Variants in LIG4 observed in about 807,000 individuals in gnomAD.
LIG4 encodes DNA ligase 4, also known as DNA joinase.
LIG4 carries 13 observed loss-of-function variants against 19.0 expected under a neutral mutation model. That is an observed-to-expected ratio of 0.68 (90% CI 0.44 to 1.09). The LOEUF (loss-of-function observed/expected upper bound fraction) is 1.09, where lower values mean the gene tolerates loss of function less well. LIG4 is among the 50% of genes least tolerant of loss of function. LIG4 has a pLI of 0.00. For missense variants in LIG4, 1,026 were observed against 1,089.7 expected (o/e 0.94, Z 0.82); for synonymous variants, 361 against 358.2 (o/e 1.01, Z -0.09).
chr13:108,210,042 A>G lies in LIG4; in HGVS notation c.1227T>C (p.His409=), dbSNP rs756610993. 3 of 1,612,492 alleles carry G rather than the reference A, an allele frequency of 1.9e-6. No homozygotes were observed. The South Asian group carries it at 3.3e-5, about 18-fold the overall frequency. Reference sequence around the variant, plus strand: ...ATGCATCAATTACTTCATTCTTAGTATGAGCTTGTGTTTTCTGCACTATTT... The same window carrying G: ...ATGCATCAATTACTTCATTCTTAGTGTGAGCTTGTGTTTTCTGCACTATTT... ...RIEIVQKTQA[H]TKNEVIDALN... is the part of the protein sequence containing the mutation. The change falls in exon 3 of 3, where the codon CAT becomes CAC. Residue 409 remains histidine, a synonymous_variant. Coordinates refer to ENST00000442234, the MANE Select transcript of LIG4 (RefSeq NM_206937.2).
intron 1 of LIG4, among the ~76,000 whole-genome samples, 156 bp downstream of exon 1, chr13:108,215,328 C>T (rs1237556410): frequency 8.3e-6 from 1 of 120,154 alleles, no homozygotes; most frequent in South Asian, 3.1e-4. Flanking sequence ...ACAGACCTTC[C>T]CCCGGTCTGT....
At chr13:108,217,294 T>C (rs1879352506), upstream of LIG4, among the ~76,000 whole-genome samples, 1 of 152,190 alleles carries the variant, frequency 6.6e-6, no homozygotes, top group South Asian at 2.1e-4. Flanking sequence ...GGTGGGTGGA[T>C]CACCAGAGGT....
In LIG4 at chr13:108,209,110, A is replaced by T; in HGVS notation, c.2159T>A (p.Val720Asp). 6.2e-7 allele frequency: 1 copy of T among 1,614,204 alleles called. No individual in the cohort carries two copies. The highest frequency in any genetic ancestry group is 1.1e-5 in the South Asian group (1 of 91,080). ...KNIILSNKHDVVKPAWLLECF... is the reference protein window; with the variant it reads ...KNIILSNKHDDVKPAWLLECF... ...TTCTAAAAGCCATGCAGGCTTGACA[A>T]CATCATGTTTATTTGACAAAATTAT... Residue 720 changes from valine to aspartate, a missense_variant, in exon 3 of 3, where the codon GTT (valine) becomes GAT (aspartate). Coordinates refer to ENST00000442234, the MANE Select transcript of LIG4 (RefSeq NM_206937.2).
Position 108,209,472 on chromosome 13 carries a change from T to C in LIG4, c.1797A>G (p.Leu599=), listed in dbSNP as rs773567375. The stretch of plus-strand genomic sequence containing the variant: ...CAGATGCCTTCCCCCTAAGTTGTTC[T>C]AGGTCGTCCAGGGTCATGCACTCAT... ...EWHECMTLDD[L]EQLRGKASGK... The change falls in exon 3 of 3, where the codon CTA becomes CTG. Residue 599 remains leucine, a synonymous_variant. Coordinates refer to ENST00000442234, the MANE Select transcript of LIG4 (RefSeq NM_206937.2). 18 of 1,614,070 alleles carry C rather than the reference T, an allele frequency of 1.1e-5. No homozygotes were observed. In the South Asian group the frequency reaches 1.5e-4, roughly 14 times the overall value.
upstream of LIG4, among the ~76,000 whole-genome samples, chr13:108,217,944 G>A (rs1228957655): frequency 6.6e-6 from 1 of 152,034 alleles, no homozygotes; most frequent in Non-Finnish European, 1.5e-5. Flanking sequence ...GTGTACCTCG[G>A]TAAAATTTGC....
In LIG4 at chr13:108,208,956, C is replaced by G; in HGVS notation, c.2313G>C (p.Leu771Phe). 1.2e-6 allele frequency: 2 copies of G among 1,614,102 alleles called. No individual in the cohort carries two copies. Among genetic ancestry groups the G allele is most frequent in the Non-Finnish European group, 1.7e-6 (2 of 1,180,010 alleles). The part of the protein sequence containing the change: ...YGDSYFIDTD[L>F]NQLKEVFSGI... ...CTGAGAATACTTCCTTCAGTTGGTTCAAGTCTGTATCAATGAAATAACTAT... is the reference window on the plus strand; with the variant it reads ...CTGAGAATACTTCCTTCAGTTGGTTGAAGTCTGTATCAATGAAATAACTAT... The change falls in exon 3 of 3, where the codon TTG (leucine) becomes TTC (phenylalanine). Residue 771 changes from leucine (L) to phenylalanine (F), a missense_variant. This residue lies in a region of LIG4 where 521 missense variants were observed against 515.5 expected (regional missense o/e 1.01). Coordinates refer to ENST00000442234, the MANE Select transcript of LIG4 (RefSeq NM_206937.2).
At position 108,207,676 on chromosome 13, in the gene LIG4, A is replaced by G. The variant is rs536555099; in HGVS notation, c.*857T>C. ...TACATTGACTTTAAATAATCTAACTATGTCATTTTTAAAAGTCAAAGCAAC... is the reference window on the plus strand; with the variant it reads ...TACATTGACTTTAAATAATCTAACTGTGTCATTTTTAAAAGTCAAAGCAAC... On this transcript the variant is annotated 3_prime_UTR_variant, in exon 3 of 3. Coordinates refer to ENST00000442234, the MANE Select transcript of LIG4 (RefSeq NM_206937.2). 1.3e-5 allele frequency: 2 copies of G among 151,588 alleles called. No homozygotes were observed. The highest frequency in any genetic ancestry group is 4.1e-4 in the South Asian group (2 of 4,822). The allele number at this position is 151,588 out of a possible 1,614,324, so 9.4% of individuals were successfully genotyped here. A position where few individuals can be genotyped will look rare whatever the true frequency, so the allele number is the denominator to read the frequency against.
Position 108,210,491 on chromosome 13 carries a change from C to T in LIG4, c.778G>A (p.Glu260Lys). 2 of 1,612,972 alleles carry T rather than the reference C, an allele frequency of 1.2e-6. No individual in the cohort carries two copies. Among genetic ancestry groups the T allele is most frequent in the Non-Finnish European group, 1.7e-6 (2 of 1,179,914 alleles). The change falls in exon 3 of 3, where the codon GAG becomes AAG. Residue 260 changes from glutamate to lysine, a missense_variant. This residue lies in a region of LIG4 where 493 missense variants were observed against 544.5 expected (regional missense o/e 0.91). Coordinates refer to ENST00000442234, the MANE Select transcript of LIG4 (RefSeq NM_206937.2). ...AAACTCTGATGTTTCATATCCTTCT[C>T]AATGTGCTCAATATCTGCAATAGCA... Reference protein sequence around the residue: ...LAAIADIEHIEKDMKHQSFYI... With the variant: ...LAAIADIEHIKKDMKHQSFYI...
rs149012859 is a variant in LIG4 at position 108,210,557 on chromosome 13, T to C, written c.712A>G (p.Ile238Val). Residue 238 changes from isoleucine (I) to valine (V), a missense_variant, in exon 3 of 3, where the codon ATT becomes GTT. By Grantham distance (29) the Ile-to-Val change is conservative (BLOSUM62 3). Coordinates refer to ENST00000442234, the MANE Select transcript of LIG4 (RefSeq NM_206937.2). The part of the protein sequence containing the change: ...LHDPSVGLSD[I>V]SITLFSAFKP... ...AATGCAGAAAATAAAGTGATAGAAA[T>C]ATCACTGAGTCCTACAGAAGGATCA... 127 of 1,612,794 alleles carry C rather than the reference T, an allele frequency of 7.9e-5. No individual in the cohort carries two copies. In the Middle Eastern group the frequency reaches 1.3e-3, roughly 17 times the overall value.
rs781256427 is a variant in LIG4, at chr13:108,210,853, T to C, written c.416A>G (p.Gln139Arg). The C allele has an allele frequency of 1.4e-5, 22 of 1,613,944 alleles. No homozygotes were observed. The South Asian group carries it at 2.2e-4, about 16-fold the overall frequency. The change falls in exon 3 of 3, where the codon CAG becomes CGG. Residue 139 changes from glutamine (Q) to arginine (R), a missense_variant. Coordinates refer to ENST00000442234, the MANE Select transcript of LIG4 (RefSeq NM_206937.2). ...TTGCTGTATGGTTAAACTTCCTTTC[T>C]GTAAACATCTTGGCTTCAACACAAA... is the stretch of plus-strand genomic sequence containing the variant. ...AYFVLKPRCLQKGSLTIQQVN... is the reference protein window; with the variant it reads ...AYFVLKPRCLRKGSLTIQQVN...
At position 108,208,636 on chromosome 13, in the gene LIG4, A is replaced by C. The variant is rs767996539; in HGVS notation, c.2633T>G (p.Phe878Cys). ...AAACTTTCTCTTAAAAGTTCTTCTAAAAGCTTTAAAATCTGCAACACGACT... is the reference window on the plus strand; with the variant it reads ...AAACTTTCTCTTAAAAGTTCTTCTACAAGCTTTAAAATCTGCAACACGACT... Reference protein sequence around the residue: ...DHSRVADFKAFRRTFKRKFKI... With the variant: ...DHSRVADFKACRRTFKRKFKI... Residue 878 changes from phenylalanine (F) to cysteine (C), a missense_variant, in exon 3 of 3, where the codon TTT becomes TGT. Transcript: ENST00000442234. 6.2e-7 allele frequency: 1 copy of C among 1,613,680 alleles called. No homozygotes were observed. The highest frequency in any genetic ancestry group is 8.5e-7 in the Non-Finnish European group (1 of 1,179,658).
Position 108,210,893 on chromosome 13 carries a change from CAA to C in LIG4, c.374_375del (p.Phe125CysfsTer34). ...TTCAACACAAAATATGCAATCATTG[CAA>C]AGTCTCCAGCATCTCCATGAGTTCC... ...PTGTHGDAGD[F>X]AMIAYFVLKP... On this transcript the variant is annotated frameshift_variant, in exon 3 of 3. Transcript: ENST00000442234. LOFTEE classifies it high-confidence loss of function. 1.9e-6 allele frequency: 3 copies of C among 1,613,984 alleles called. No individual in the cohort carries two copies. The highest frequency in any genetic ancestry group is 2.5e-6 in the Non-Finnish European group (3 of 1,179,964).
chr13:108,213,656 G>A (rs919893240), intron 2 of LIG4, among the ~76,000 whole-genome samples: 1 of 152,172 alleles, frequency 6.6e-6, no homozygotes, highest in Non-Finnish European at 1.5e-5. Flanking sequence ...TCCATTTGCA[G>A]TAAGACAAAT....
At position 108,208,302 on chromosome 13, in the gene LIG4, G is replaced by T; in HGVS notation, c.*231C>A. ...TTCTTTAGACTGTTTATTTCACCTTGATCATAAAAAATCATTGAATACTAC... is the reference window on the plus strand; with the variant it reads ...TTCTTTAGACTGTTTATTTCACCTTTATCATAAAAAATCATTGAATACTAC... On this transcript the variant is annotated 3_prime_UTR_variant, in exon 3 of 3. Coordinates refer to ENST00000442234, the MANE Select transcript of LIG4 (RefSeq NM_206937.2). 2.3e-6 allele frequency: 1 copy of T among 436,686 alleles called. No homozygotes were observed. The highest frequency in any genetic ancestry group is 4.1e-6 in the Non-Finnish European group (1 of 244,086). 27.1% of individuals were successfully genotyped at this position (436,686 alleles called of 1,614,324 possible).
chr13:108,211,861 G>C (rs1201315492), intron 2 of LIG4, among the ~76,000 whole-genome samples: 1 of 151,928 alleles, frequency 6.6e-6, no homozygotes, highest in South Asian at 2.1e-4. Context: ...CAAAACAAAG[G>C]AAAAAACAGG....
rs1246940345 is a variant in LIG4 at position 108,210,123 on chromosome 13, CAG to C, written c.1144_1145del (p.Leu382GlufsTer5). 7 of 1,613,738 alleles carry C rather than the reference CAG, an allele frequency of 4.3e-6. No individual in the cohort carries two copies. The highest frequency in any genetic ancestry group is 4.5e-5 in the East Asian group (2 of 44,858). Reference protein sequence around the residue: ...VNNKKLGHETLRKRYEILSSI... With the variant: ...VNNKKLGHETXRKRYEILSSI... ...TACTAAGAATCTCATACCTCTTTCT[CAG>C]AGTCTCATGCCCTAGCTTTTTATTA... On this transcript the variant is annotated frameshift_variant, in exon 3 of 3. Coordinates refer to ENST00000442234, the MANE Select transcript of LIG4 (RefSeq NM_206937.2). LOFTEE classifies it low-confidence loss of function (END_TRUNC).
Position 108,209,957 on chromosome 13 carries a change from A to G in LIG4, c.1312T>C (p.Tyr438His), listed in dbSNP as rs886037777. The change falls in exon 3 of 3, where the codon TAC (tyrosine) becomes CAC (histidine). Residue 438 changes from tyrosine to histidine, a missense_variant. By Grantham distance (83) the Tyr-to-His change is moderately conservative (BLOSUM62 2). This residue lies in a region of LIG4 where 493 missense variants were observed against 544.5 expected (regional missense o/e 0.91). Coordinates refer to ENST00000442234, the MANE Select transcript of LIG4 (RefSeq NM_206937.2). Reference sequence around the variant, plus strand: ...CCTTCACCTCTTTTGTCTGGCTTGTAGATGGATAGAGGTTGTTTTACCATA... The same window carrying G: ...CCTTCACCTCTTTTGTCTGGCTTGTGGATGGATAGAGGTTGTTTTACCATA... ...GIMVKQPLSI[Y>H]KPDKRGEGWL... 6.2e-7 allele frequency: 1 copy of G among 1,613,592 alleles called. No homozygotes were observed. Among genetic ancestry groups the G allele is most frequent in the Middle Eastern group, 1.6e-4 (1 of 6,084 alleles).
rs1878126109 is a variant in LIG4, at chr13:108,208,257, G to A, written c.*276C>T. 1 of 279,452 alleles carries A rather than the reference G, an allele frequency of 3.6e-6. No individual in the cohort carries two copies. Among genetic ancestry groups the A allele is most frequent in the Non-Finnish European group, 6.7e-6 (1 of 148,886 alleles). 17.3% of individuals were successfully genotyped at this position (279,452 alleles called of 1,614,324 possible). A position where few individuals can be genotyped will look rare whatever the true frequency, so the allele number is the denominator to read the frequency against. ...AAGTAAAAATTCTAGATTTCTATAT[G>A]GATATTATAAAAACACCTCTTCTTT... On this transcript the variant is annotated 3_prime_UTR_variant, in exon 3 of 3. Transcript: ENST00000442234.
rs1211502925 is a variant in LIG4, at chr13:108,210,743, T to G, written c.526A>C (p.Thr176Pro). ...LIKKSLLQLI[T>P]QSSALEQKWL... ...TTTTGCTCAAGTGCTGAACTCTGAGTTATAAGTTGAAGAAGGCTCTTTTTT... is the reference window on the plus strand; with the variant it reads ...TTTTGCTCAAGTGCTGAACTCTGAGGTATAAGTTGAAGAAGGCTCTTTTTT... The change falls in exon 3 of 3, where the codon ACT (threonine) becomes CCT (proline). Residue 176 changes from threonine to proline, a missense_variant. By Grantham distance (38) the Thr-to-Pro change is conservative. Coordinates refer to ENST00000442234, the MANE Select transcript of LIG4 (RefSeq NM_206937.2). The G allele has an allele frequency of 3.7e-6, 6 of 1,614,040 alleles. No homozygotes were observed. In the Admixed American group the frequency reaches 5.0e-5, roughly 13 times the overall value.
Sources: allele counts gnomAD v4.1 joint callset (sites outside exome capture counted in the v4.1 genomes callset), GRCh38; gene constraint gnomAD v4.1.1; regional missense constraint gnomAD v4.1.1; transcripts MANE v1.5; gene names NCBI Gene and HGNC (gene_info 2026-07-23, HGNC 2026-07-21).